Variants in GNA14 observed in about 807,000 individuals in gnomAD.
GNA14 encodes the protein guanine nucleotide-binding protein subunit alpha-14.
A neutral mutation model predicts 42.0 loss-of-function variants in GNA14; 50 were observed. The ratio of observed to expected loss-of-function variants is 1.19; its 90% CI spans 0.95 to 1.51. The LOEUF (loss-of-function observed/expected upper bound fraction) is 1.51. Ranked by LOEUF, GNA14 falls within the 40% of genes most tolerant of loss-of-function variation. GNA14 has a pLI of 0.00. For missense variants in GNA14, 473 were observed against 446.2 expected (o/e 1.06, Z -0.54); for synonymous variants, 173 against 163.1 (o/e 1.06, Z -0.46).
chr9:77,505,320 C>T (rs958253738), intron 2 of GNA14, among the ~76,000 whole-genome samples: 4 of 152,286 alleles, frequency 2.6e-5, no homozygotes, highest in East Asian at 1.9e-4. Context: ...CTTTGAATAA[C>T]GGCATGAATA....
chr9:77,519,906 G>A (rs1183940952), intron 2 of GNA14, among the ~76,000 whole-genome samples: 3 of 151,936 alleles, frequency 2.0e-5, no homozygotes, highest in Non-Finnish European at 2.9e-5. Flanking sequence ...GCTACTCGGG[G>A]GACTGAGGCA....
intron 1 of GNA14, among the ~76,000 whole-genome samples, chr9:77,560,470 T>G (rs1267641009): frequency 6.6e-6 from 1 of 151,966 alleles, no homozygotes; most frequent in Non-Finnish European, 1.5e-5. Flanking sequence ...TGTTGTTTTT[T>G]GTTTGTTTGT....
At chr9:77,431,669 G>A (rs984816801) in intron 3 of GNA14, 2 of 456,256 alleles carry the variant, frequency 4.4e-6, no homozygotes, top group Non-Finnish European at 7.9e-6. Context: ...GCGCCTTCTG[G>A]GACATCTGCA....
rs1403534134 is a variant in GNA14, at chr9:77,570,425, C to A, written c.125-41172G>T. 2.6e-5 allele frequency among the ~76,000 whole-genome samples: 4 copies of A among 152,296 alleles called. No homozygotes were observed. In the South Asian group the frequency reaches 8.3e-4, roughly 32 times the overall value. On this transcript the variant is annotated intron_variant, in intron 1 of 6. Coordinates refer to ENST00000341700, the MANE Select transcript of GNA14 (RefSeq NM_004297.4). ...CCCCACCACTGCAGCCCAGGCAACA[C>A]TAATCTACTTTGTCTCTTTAGATTT...
At chr9:77,504,378 G>C (rs1837025758) in intron 2 of GNA14, among the ~76,000 whole-genome samples, 1 of 151,916 alleles carries the variant, frequency 6.6e-6, no homozygotes, top group East Asian at 1.9e-4. Flanking sequence ...TAGCCTGCAG[G>C]GCAAGCTCAT....
rs555781227 is a variant in GNA14 at position 77,438,328 on chromosome 9, G to A, written c.310-3806C>T. On this transcript the variant is annotated intron_variant, in intron 2 of 6. Coordinates refer to ENST00000341700, the MANE Select transcript of GNA14 (RefSeq NM_004297.4). ...GTCTCCCACGCTGGAGCACAACGGC[G>A]CGATCTCAGCTCAATGCAATCTCCG... 3.3e-5 allele frequency among the ~76,000 whole-genome samples: 5 copies of A among 151,772 alleles called. No homozygotes were observed. In the East Asian group the frequency reaches 5.8e-4, roughly 18 times the overall value.
At chr9:77,621,853 G>A (rs1823928893) in intron 1 of GNA14, among the ~76,000 whole-genome samples, 1 of 152,206 alleles carries the variant, frequency 6.6e-6, no homozygotes, top group Non-Finnish European at 1.5e-5. Flanking sequence ...GCCAGCTGGT[G>A]GAGTTTTTGA....
chr9:77,453,999 C>G (rs189254970), intron 2 of GNA14, among the ~76,000 whole-genome samples: 1 of 152,324 alleles, frequency 6.6e-6, no homozygotes, highest in Non-Finnish European at 1.5e-5. Context: ...GAAGTGAAAG[C>G]TTCATGATTC....
chr9:77,525,478 G>A (rs1269802320), intron 2 of GNA14, among the ~76,000 whole-genome samples: 1 of 152,116 alleles, frequency 6.6e-6, no homozygotes, highest in Non-Finnish European at 1.5e-5. Context: ...GAGGTACAAT[G>A]GACTTGTATC....
At chr9:77,432,570 G>A (rs1835575097) in intron 3 of GNA14, among the ~76,000 whole-genome samples, 1 of 152,186 alleles carries the variant, frequency 6.6e-6, no homozygotes, top group Non-Finnish European at 1.5e-5. Flanking sequence ...GACATCTCTA[G>A]CTGAGGGGTT....
chr9:77,489,580 T>C (rs557686344), intron 2 of GNA14, among the ~76,000 whole-genome samples: 2 of 152,284 alleles, frequency 1.3e-5, no homozygotes, highest in South Asian at 4.2e-4. Context: ...GTGTTACAGC[T>C]CTTAAGGTGG....
intron 1 of GNA14, among the ~76,000 whole-genome samples, chr9:77,578,563 C>A (rs1823165545): frequency 6.6e-6 from 1 of 152,098 alleles, no homozygotes; most frequent in Admixed American, 6.6e-5. Context: ...GTTGCTACAA[C>A]CTTGAGATAT....
At chr9:77,479,355 G>A (rs916927706) in intron 2 of GNA14, among the ~76,000 whole-genome samples, 1 of 152,110 alleles carries the variant, frequency 6.6e-6, no homozygotes, top group Non-Finnish European at 1.5e-5. Flanking sequence ...TTATTTCTGA[G>A]GGCTCTGTTC....
intron 1 of GNA14, among the ~76,000 whole-genome samples, chr9:77,570,925 ATAGAG>A (rs1425884053): frequency 3.9e-5 from 6 of 152,246 alleles, no homozygotes; most frequent in African/African-American, 9.6e-5. Flanking sequence ...TGCATATTTA[ATAGAG>A]TAAATTGCCC....
chr9:77,474,430 ACAAAT>A (rs1836383718), intron 2 of GNA14, among the ~76,000 whole-genome samples: 1 of 152,052 alleles, frequency 6.6e-6, no homozygotes, highest in Admixed American at 6.6e-5. Context: ...TCCAGGAAAC[ACAAAT>A]CAAAACCACA....
At chr9:77,487,253 A>G (rs1836677709) in intron 2 of GNA14, among the ~76,000 whole-genome samples, 1 of 152,226 alleles carries the variant, frequency 6.6e-6, no homozygotes, top group Non-Finnish European at 1.5e-5. Context: ...TGCAATTTAA[A>G]GTCGTTTCTT....
At chr9:77,535,008 C>G (rs1837576492) in intron 1 of GNA14, among the ~76,000 whole-genome samples, 1 of 152,184 alleles carries the variant, frequency 6.6e-6, no homozygotes, top group South Asian at 2.1e-4. Flanking sequence ...CTGGGAGGCT[C>G]AGGTTCCATT....
intron 1 of GNA14, among the ~76,000 whole-genome samples, chr9:77,575,983 C>G (rs1014696466): frequency 1.3e-5 from 2 of 152,196 alleles, no homozygotes; most frequent in Non-Finnish European, 2.9e-5. Flanking sequence ...AGCTGCACCG[C>G]TGGTGCTATC....
At chr9:77,431,293 T>C in intron 4 of GNA14, 28 bp downstream of exon 4, 1 of 1,607,266 alleles carries the variant, frequency 6.2e-7, no homozygotes, top group Non-Finnish European at 8.5e-7. Context: ...GGCAGATTCT[T>C]CATGGTACAT....
Sources: gnomAD v4.1 joint callset for allele counts (sites outside exome capture counted in the v4.1 genomes callset) on GRCh38, gnomAD v4.1.1 for gene constraint, MANE v1.5 for transcripts, NCBI Gene and HGNC (gene_info 2026-07-23, HGNC 2026-07-21) for gene names.